Variants in CAMTA1 observed in about 807,000 individuals in gnomAD.
CAMTA1 encodes calmodulin binding transcription activator 1.
Under a neutral mutation model 170.9 loss-of-function variants are expected in CAMTA1, and 27 were observed. The observed-to-expected ratio is 0.16, with a 90% CI of 0.12 to 0.22. CAMTA1 has a LOEUF of 0.22. CAMTA1 is among the 10% of genes least tolerant of loss of function. The probability of loss-of-function intolerance (pLI) is 1.00; values close to 1 mark genes in which losing one functional copy is unlikely to be tolerated. For synonymous variants in CAMTA1, 833 were observed against 891.5 expected (o/e 0.93, Z 1.17); for missense variants, 1,619 against 2,217.2 (o/e 0.73, Z 5.42).
At chr1:7,070,421 A>C (rs1459041713) in intron 3 of CAMTA1, among the ~76,000 whole-genome samples, 1 of 151,970 alleles carries the variant, frequency 6.6e-6, no homozygotes, top group Non-Finnish European at 1.5e-5. Flanking sequence ...GTTTTTCCTC[A>C]CTTGAAAAAT....
At chr1:7,613,482 T>C (rs976815954) in intron 6 of CAMTA1, among the ~76,000 whole-genome samples, 1 of 152,118 alleles carries the variant, frequency 6.6e-6, no homozygotes, top group Admixed American at 6.5e-5. Flanking sequence ...TGAGCCAGGC[T>C]GCAGGGAAAA....
chr1:7,336,588 G>A (rs1236860937), intron 5 of CAMTA1, among the ~76,000 whole-genome samples: 5 of 152,204 alleles, frequency 3.3e-5, no homozygotes, highest in African/African-American at 1.2e-4. Context: ...TTAGCAGAGG[G>A]AAGAGGCACA....
intron 5 of CAMTA1, among the ~76,000 whole-genome samples, chr1:7,411,836 C>A (rs981175039): frequency 2.0e-5 from 3 of 151,794 alleles, no homozygotes; most frequent in African/African-American, 7.3e-5. Flanking sequence ...TATACATGGG[C>A]CATGTTGGTG....
At chr1:7,505,246 C>T (rs1195493507) in intron 6 of CAMTA1, among the ~76,000 whole-genome samples, 2 of 152,254 alleles carry the variant, frequency 1.3e-5, no homozygotes, top group Admixed American at 1.3e-4. Flanking sequence ...CCATGGGCCA[C>T]AGCAGGACTG....
rs943147575 is a variant in CAMTA1 at position 7,570,382 on chromosome 1, C to T, written c.511-70018C>T. 6.6e-6 allele frequency among the ~76,000 whole-genome samples: 1 copy of T among 152,160 alleles called. No individual in the cohort carries two copies. Among genetic ancestry groups the T allele is most frequent in the African/African-American group, 2.4e-5 (1 of 41,424 alleles). ...AGGGCCGGAGAACTTATTGCTTAAG[C>T]TGGAAGGGTGGAGGGAGGAAGCACG... On this transcript the variant is annotated intron_variant, in intron 6 of 22. Transcript: ENST00000303635. The surrounding 1 kb of genome is among the most constrained non-coding windows in gnomAD (Gnocchi z 4.3).
rs1644196234 is a variant in CAMTA1 at position 7,113,682 on chromosome 1, T to C, written c.302+22311T>C. Among the ~76,000 whole-genome samples, 1 of 152,370 alleles carries C rather than the reference T, an allele frequency of 6.6e-6. No homozygotes were observed. The highest frequency in any genetic ancestry group is 2.1e-4 in the South Asian group (1 of 4,830). ...CGGCTTTTGTCCAAGAGGTGAGATA[T>C]GCAAAAATAACCTTTAAGTTTCCCA... is the stretch of plus-strand genomic sequence containing the variant. On this transcript the variant is annotated intron_variant, in intron 4 of 22. Transcript: ENST00000303635. This position sits in a 1 kb window ranked among gnomAD's most constrained non-coding sequence, Gnocchi z 4.5.
intron 3 of CAMTA1, among the ~76,000 whole-genome samples, chr1:6,932,921 T>G (rs1684655305): frequency 6.6e-6 from 1 of 152,228 alleles, no homozygotes; most frequent in Admixed American, 6.5e-5. Context: ...TGCAGAGATT[T>G]TCTTCCAGTC....
chr1:7,270,244 T>TACACACACACACAC (rs57280188), intron 5 of CAMTA1, among the ~76,000 whole-genome samples: 3 of 127,234 alleles, frequency 2.4e-5, no homozygotes, highest in Admixed American at 8.2e-5. Flanking sequence ...CATATATACA[T>TACACACACACACAC]ACACACACAC....
At chr1:7,433,574 C>T (rs188633251) in intron 5 of CAMTA1, among the ~76,000 whole-genome samples, 5 of 152,294 alleles carry the variant, frequency 3.3e-5, no homozygotes, top group South Asian at 2.1e-4. Flanking sequence ...GAAAAAAGGA[C>T]GAGCCAATTG....
chr1:7,493,084 C>T (rs1214648487), intron 6 of CAMTA1, among the ~76,000 whole-genome samples: 50 of 127,724 alleles, frequency 3.9e-4, no homozygotes, highest in African/African-American at 1.3e-3. Flanking sequence ...GACATACAAA[C>T]GTGAGCACAC....
At chr1:6,926,526 TTC>T (rs771700710) in intron 3 of CAMTA1, among the ~76,000 whole-genome samples, 64 of 145,124 alleles carry the variant, frequency 4.4e-4, no homozygotes, top group African/African-American at 1.5e-3. Flanking sequence ...CCTTCTTTCT[TTC>T]TCTCTCTCTT....
At chr1:7,563,203 A>G (rs2094984005) in intron 6 of CAMTA1, among the ~76,000 whole-genome samples, 1 of 152,072 alleles carries the variant, frequency 6.6e-6, no homozygotes, top group African/African-American at 2.4e-5. Context: ...ACTTTTCCTC[A>G]CACATGGGGG....
chr1:7,137,630 C>A (rs1178194404), intron 4 of CAMTA1, among the ~76,000 whole-genome samples: 2 of 152,216 alleles, frequency 1.3e-5, no homozygotes, highest in Non-Finnish European at 1.5e-5. Flanking sequence ...CTGCTCTGCT[C>A]CAGCTGAAGC....
intron 4 of CAMTA1, among the ~76,000 whole-genome samples, chr1:7,120,667 C>A (rs1034821495): frequency 4.6e-5 from 7 of 152,194 alleles, no homozygotes; most frequent in African/African-American, 1.7e-4. Context: ...AGGGATAACG[C>A]AGGGGGGATC....
intron 5 of CAMTA1, among the ~76,000 whole-genome samples, chr1:7,294,801 G>A (rs1054442017): frequency 2.6e-5 from 4 of 152,172 alleles, no homozygotes; most frequent in Non-Finnish European, 4.4e-5. Context: ...CCCAGACCAG[G>A]GTGAAGTCTC....
At position 6,966,787 on chromosome 1, in the gene CAMTA1, A is replaced by G. The variant is rs1010228437; in HGVS notation, c.235-124517A>G. On this transcript the variant is annotated intron_variant, in intron 3 of 22. Coordinates refer to ENST00000303635, the MANE Select transcript of CAMTA1 (RefSeq NM_015215.4). The stretch of plus-strand genomic sequence containing the variant: ...TGGCATGCCCAGATAATTTTTTTGT[A>G]TTTTAGTAGAGACTGGATTTCACCG... Among the ~76,000 whole-genome samples, 12 of 150,866 alleles carry G rather than the reference A, an allele frequency of 8.0e-5. 1 individual carries two copies. The highest frequency in any genetic ancestry group is 2.4e-4 in the African/African-American group (10 of 41,116).
At chr1:7,603,231 A>G (rs1170563996) in intron 6 of CAMTA1, among the ~76,000 whole-genome samples, 2 of 152,108 alleles carry the variant, frequency 1.3e-5, no homozygotes, top group African/African-American at 2.4e-5. Context: ...CAGTTCCTGG[A>G]TATCCTTGTT....
chr1:7,723,850 C>T (rs2096665168), intron 11 of CAMTA1, among the ~76,000 whole-genome samples: 1 of 152,230 alleles, frequency 6.6e-6, no homozygotes, highest in South Asian at 2.1e-4. Flanking sequence ...TTCACTCTGT[C>T]ACCCAGACTG....
chr1:7,126,866 G>T (rs1356465628), intron 4 of CAMTA1, among the ~76,000 whole-genome samples: 1 of 152,144 alleles, frequency 6.6e-6, no homozygotes, highest in Non-Finnish European at 1.5e-5. Flanking sequence ...TGCCTCCCGG[G>T]TTCATGCCAT....
Sources: allele counts gnomAD v4.1 joint callset (sites outside exome capture counted in the v4.1 genomes callset), GRCh38; gene constraint gnomAD v4.1.1; non-coding constraint Gnocchi (gnomAD v3.1); transcripts MANE v1.5; gene names NCBI Gene and HGNC (gene_info 2026-07-23, HGNC 2026-07-21).